Variants in EFCAB5 observed in about 807,000 individuals in gnomAD.
The protein encoded by EFCAB5 is EF-hand calcium-binding domain-containing protein 5.
A neutral mutation model predicts 167.9 loss-of-function variants in EFCAB5; 131 were observed. The ratio of observed to expected loss-of-function variants is 0.78; its 90% CI spans 0.68 to 0.90. The LOEUF (loss-of-function observed/expected upper bound fraction) is 0.90, where lower values mean the gene tolerates loss of function less well. Among genes scored for constraint, EFCAB5 ranks in the 40% least tolerant of loss-of-function variants. The pLI is 0.00. For synonymous variants in EFCAB5, 574 were observed against 602.8 expected (o/e 0.95, Z 0.70); for missense variants, 1,663 against 1,745.2 (o/e 0.95, Z 0.84).
chr17:30,054,123 C>G lies in EFCAB5; in HGVS notation c.2169C>G (p.Thr723=), dbSNP rs4074170. Residue 723 remains threonine (T), a synonymous_variant, in exon 10 of 23, where the codon ACC becomes ACG. Transcript: ENST00000394835. ...CTGAACTGCAAGAGGAAGTTCCAAC[C>G]TTAAGCAGAAAAGATCACTTTCCAG... ...LSSELQEEVP[T]LSRKDHFPET... is the part of the protein sequence containing the mutation. The G allele has an allele frequency of 0.55, 859,078 of 1,562,338 alleles. 242,811 individuals are homozygous for G. Among genetic ancestry groups the G allele is most frequent in the African/African-American group, 0.88 (64,237 of 73,218 alleles).
At chr17:30,051,365 G>T in intron 9 of EFCAB5, 148 bp downstream of exon 9, 1 of 602,212 alleles carries the variant, frequency 1.7e-6, no homozygotes, top group Non-Finnish European at 2.8e-6. Context: ...CATGATAACT[G>T]TATCTAGTTG....
intron 7 of EFCAB5, among the ~76,000 whole-genome samples, chr17:30,010,416 C>T (rs1451831959): frequency 6.6e-6 from 1 of 152,212 alleles, no homozygotes; most frequent in Admixed American, 6.5e-5. Flanking sequence ...AGTTTACACT[C>T]CTACCAACAG....
intron 4 of EFCAB5, among the ~76,000 whole-genome samples, chr17:29,971,796 C>G (rs1340747495): frequency 2.0e-5 from 3 of 152,132 alleles, no homozygotes; most frequent in Non-Finnish European, 2.9e-5. Context: ...CTTTTAATTA[C>G]AGATTTTTCA....
chr17:30,102,027 C>G (rs1417885575), intron 22 of EFCAB5, among the ~76,000 whole-genome samples: 6 of 152,164 alleles, frequency 3.9e-5, no homozygotes, highest in Non-Finnish European at 7.3e-5. Flanking sequence ...AATTATTTGA[C>G]TACCCTGGAT....
rs185860646 is a variant in EFCAB5 at position 30,061,338 on chromosome 17, G to T, written c.2737+1637G>T. On this transcript the variant is annotated intron_variant, in intron 14 of 22. Coordinates refer to ENST00000394835, the MANE Select transcript of EFCAB5 (RefSeq NM_198529.4). ...CAGATTTATGCTCTTTAAAAAGGAA[G>T]AAGATTCTAAATTTCAAGCATTGCC... Among the ~76,000 whole-genome samples, 43 of 152,330 alleles carry T rather than the reference G, an allele frequency of 2.8e-4. 1 individual carries two copies. The highest frequency in any genetic ancestry group is 9.9e-4 in the African/African-American group (41 of 41,578).
chr17:29,958,071 T>A lies in EFCAB5; in HGVS notation c.191-10720T>A, dbSNP rs143142416. Among the ~76,000 whole-genome samples the A allele has an allele frequency of 5.3e-4, 81 of 152,336 alleles. No individual in the cohort carries two copies. In the East Asian group the frequency reaches 0.015, roughly 29 times the overall value. ...TGTTGTTGAATTTGGTTTGCTAGTA[T>A]TTTGTGGAGGATTTTGCTTCAATGT... On this transcript the variant is annotated intron_variant, in intron 3 of 22. Coordinates refer to ENST00000394835, the MANE Select transcript of EFCAB5 (RefSeq NM_198529.4).
chr17:30,098,175 T>C (rs2071330486), intron 22 of EFCAB5, among the ~76,000 whole-genome samples: 1 of 151,858 alleles, frequency 6.6e-6, no homozygotes, highest in Admixed American at 6.6e-5. Flanking sequence ...CCTCAAGGGA[T>C]TCTCCCACCT....
chr17:30,083,405 G>A (rs1214924175), intron 18 of EFCAB5, among the ~76,000 whole-genome samples: 1 of 152,192 alleles, frequency 6.6e-6, no homozygotes, highest in Non-Finnish European at 1.5e-5. Context: ...GGCTTTTTCT[G>A]CAGAGCAAGT....
chr17:30,041,210 A>AGAAG (rs61335450), intron 8 of EFCAB5, among the ~76,000 whole-genome samples: 1,737 of 149,966 alleles, frequency 0.012, 28 homozygotes, highest in Middle Eastern at 0.034. Context: ...AAGAAAGGAA[A>AGAAG]GAAGGAAGGA....
At chr17:30,051,270 A>G in intron 9 of EFCAB5, 53 bp downstream of exon 9, 1 of 1,397,506 alleles carries the variant, frequency 7.2e-7, no homozygotes, top group Non-Finnish European at 1.0e-6. Context: ...CAGTGCACTG[A>G]TATGTACTGA....
At position 30,042,417 on chromosome 17, in the gene EFCAB5, C is replaced by G. The variant is rs527927803; in HGVS notation, c.1200+8032C>G. Among the ~76,000 whole-genome samples the G allele has an allele frequency of 3.9e-5, 6 of 152,228 alleles. No individual in the cohort carries two copies. In the East Asian group the frequency reaches 9.6e-4, roughly 24 times the overall value. ...GTCTGGAACTGGACCTCTGGTATCT[C>G]TAAGGAATGCCTGTCCTGATATCAG... On this transcript the variant is annotated intron_variant, in intron 8 of 22. Coordinates refer to ENST00000394835, the MANE Select transcript of EFCAB5 (RefSeq NM_198529.4).
chr17:30,021,544 T>A (rs2069180737), intron 7 of EFCAB5, among the ~76,000 whole-genome samples: 1 of 150,696 alleles, frequency 6.6e-6, no homozygotes, highest in South Asian at 2.1e-4. Context: ...ACAAATATAA[T>A]TTTGTTTTAA....
chr17:30,041,533 G>A (rs987421956), intron 8 of EFCAB5, among the ~76,000 whole-genome samples: 1 of 152,164 alleles, frequency 6.6e-6, no homozygotes, highest in Non-Finnish European at 1.5e-5. Context: ...TTTACCCCCG[G>A]TGAAGACATT....
intron 3 of EFCAB5, among the ~76,000 whole-genome samples, chr17:29,944,404 A>G (rs2067354741): frequency 6.6e-6 from 1 of 152,108 alleles, no homozygotes; most frequent in Admixed American, 6.5e-5. Context: ...TTTAAAATGT[A>G]TTTCATTCAC....
At chr17:29,999,441 A>G (rs1274023510) in intron 6 of EFCAB5, among the ~76,000 whole-genome samples, 1 of 152,120 alleles carries the variant, frequency 6.6e-6, no homozygotes, top group Non-Finnish European at 1.5e-5. Flanking sequence ...AAAAAGGAAG[A>G]TATTCATGTT....
chr17:29,975,047 TAAATA>T (rs1043721919), intron 4 of EFCAB5, among the ~76,000 whole-genome samples: 19 of 151,560 alleles, frequency 1.3e-4, no homozygotes, highest in Admixed American at 3.3e-4. Flanking sequence ...AATAAATAAA[TAAATA>T]AAATAATAAA....
intron 1 of EFCAB5, chr17:29,930,204 C>T: frequency 1.8e-6 from 1 of 556,780 alleles, no homozygotes. Flanking sequence ...GGCGGGCGGG[C>T]GGTTCCGCAG....
intron 7 of EFCAB5, among the ~76,000 whole-genome samples, chr17:30,008,278 T>C (rs941558973): frequency 6.6e-6 from 1 of 152,192 alleles, no homozygotes; most frequent in African/African-American, 2.4e-5. Context: ...GACTATTTTT[T>C]ATATTTGTAA....
intron 1 of EFCAB5, among the ~76,000 whole-genome samples, chr17:29,930,774 A>G (rs2067181587): frequency 6.6e-6 from 1 of 152,096 alleles, no homozygotes; most frequent in Non-Finnish European, 1.5e-5. Flanking sequence ...TACCCTGGAA[A>G]GGTTTGTGGT....
Sources: gnomAD v4.1 joint callset for allele counts (sites outside exome capture counted in the v4.1 genomes callset) on GRCh38, gnomAD v4.1.1 for gene constraint, MANE v1.5 for transcripts, NCBI Gene and HGNC (gene_info 2026-07-23, HGNC 2026-07-21) for gene names.